FAM168A: variants seen among roughly 807,000 people sequenced by gnomAD.
FAM168A encodes the protein protein FAM168A.
Under a neutral mutation model 28.5 loss-of-function variants are expected in FAM168A, and 3 were observed. The observed-to-expected ratio is 0.11, with a 90% CI of 0.05 to 0.27. FAM168A has a LOEUF of 0.27. FAM168A is among the 10% of genes least tolerant of loss of function. FAM168A has a pLI of 1.00. For synonymous variants in FAM168A, 122 were observed against 124.2 expected, an observed-to-expected ratio of 0.98 and a Z score of 0.12; for missense variants, 222 against 311.5, an observed-to-expected ratio of 0.71 and a Z score of 2.16.
At chr11:73,569,308 C>T (rs974914481) in intron 1 of FAM168A, among the ~76,000 whole-genome samples, 1 of 152,194 alleles carries the variant, frequency 6.6e-6, no homozygotes, top group East Asian at 1.9e-4. Flanking sequence ...GGAAAACACA[C>T]TGTTGCCAGC....
intron 1 of FAM168A, among the ~76,000 whole-genome samples, chr11:73,545,135 CT>C (rs1344698994): frequency 6.9e-6 from 1 of 145,308 alleles, no homozygotes; most frequent in Non-Finnish European, 1.5e-5. Context: ...AAGCAATTCT[CT>C]TGCCTCAGCC....
chr11:73,467,723 A>T (rs1057147840), intron 2 of FAM168A, among the ~76,000 whole-genome samples: 4 of 152,190 alleles, frequency 2.6e-5, no homozygotes, highest in Non-Finnish European at 5.9e-5. Context: ...CTGGCAGAGG[A>T]ACTTAAGTTG....
intron 2 of FAM168A, among the ~76,000 whole-genome samples, chr11:73,455,348 G>C (rs1264113555): frequency 6.6e-6 from 1 of 152,252 alleles, no homozygotes; most frequent in East Asian, 1.9e-4. Context: ...ACAAGGGGTA[G>C]ACAAGGGTGG....
chr11:73,494,774 C>A (rs111234105), intron 1 of FAM168A, among the ~76,000 whole-genome samples: 1 of 152,050 alleles, frequency 6.6e-6, no homozygotes, highest in African/African-American at 2.4e-5. Context: ...CCGAGGAGGG[C>A]GGATTACTTG....
intron 4 of FAM168A, among the ~76,000 whole-genome samples, chr11:73,413,909 A>G (rs1866657432): frequency 6.6e-6 from 1 of 152,084 alleles, no homozygotes; most frequent in Admixed American, 6.5e-5. Context: ...CTAAAAAAAG[A>G]AAAAAACTTA....
chr11:73,457,315 G>C (rs1265100022), intron 2 of FAM168A, among the ~76,000 whole-genome samples: 1 of 151,408 alleles, frequency 6.6e-6, no homozygotes, highest in African/African-American at 2.4e-5. Context: ...CTTGAGCCAA[G>C]GGACTTCAAG....
intron 1 of FAM168A, among the ~76,000 whole-genome samples, chr11:73,576,092 TTAGA>T (rs1944170815): frequency 6.6e-6 from 1 of 152,190 alleles, no homozygotes; most frequent in Non-Finnish European, 1.5e-5. Context: ...TATTTTGGTA[TTAGA>T]TAATTTTTTA....
chr11:73,593,914 T>C (rs1036026017), intron 1 of FAM168A, among the ~76,000 whole-genome samples: 18 of 152,212 alleles, frequency 1.2e-4, no homozygotes, highest in Admixed American at 2.6e-4. Flanking sequence ...GCCTCACTTT[T>C]CTCACCGTAT....
intron 1 of FAM168A, among the ~76,000 whole-genome samples, chr11:73,573,159 CT>C (rs1365057344): frequency 1.3e-5 from 2 of 152,148 alleles, no homozygotes; most frequent in African/African-American, 4.8e-5. Flanking sequence ...GCACTTGGAA[CT>C]TTCCCCTAAA....
intron 1 of FAM168A, among the ~76,000 whole-genome samples, chr11:73,469,222 A>C (rs1273037193): frequency 5.9e-5 from 9 of 152,332 alleles, no homozygotes; most frequent in Admixed American, 1.3e-4. Context: ...CACATTCTCC[A>C]TTCTGATTAA....
chr11:73,491,013 A>G (rs1262042974), intron 1 of FAM168A, among the ~76,000 whole-genome samples: 2 of 152,202 alleles, frequency 1.3e-5, no homozygotes, highest in Non-Finnish European at 2.9e-5. Context: ...TGATACACAG[A>G]TTATACATAA....
chr11:73,417,726 A>AT (rs1203498160), intron 4 of FAM168A, among the ~76,000 whole-genome samples: 2 of 151,782 alleles, frequency 1.3e-5, no homozygotes, highest in Non-Finnish European at 2.9e-5. Context: ...TGCCTGGCTA[A>AT]TTTTTTGTAT....
intron 1 of FAM168A, among the ~76,000 whole-genome samples, chr11:73,485,783 T>C (rs1195021510): frequency 1.3e-5 from 2 of 152,144 alleles, no homozygotes; most frequent in African/African-American, 2.4e-5. Context: ...TGCTGAAGGT[T>C]TGGAGTCAAA....
chr11:73,561,236 G>A (rs971789190), intron 1 of FAM168A, among the ~76,000 whole-genome samples: 6 of 151,776 alleles, frequency 4.0e-5, no homozygotes, highest in African/African-American at 1.2e-4. Flanking sequence ...TTTGCCAGGC[G>A]TGGTGGCATG....
chr11:73,541,379 T>C (rs1287957903), intron 1 of FAM168A, among the ~76,000 whole-genome samples: 2 of 151,572 alleles, frequency 1.3e-5, no homozygotes. Flanking sequence ...CTTCTTTTTT[T>C]TTTTTTTCTT....
intron 1 of FAM168A, among the ~76,000 whole-genome samples, chr11:73,478,627 C>T (rs1191284593): frequency 6.6e-6 from 1 of 152,114 alleles, no homozygotes; most frequent in Non-Finnish European, 1.5e-5. Flanking sequence ...AATAAAGCTA[C>T]TAAAAATACA....
intron 1 of FAM168A, among the ~76,000 whole-genome samples, chr11:73,469,463 T>C (rs1487749605): frequency 2.6e-5 from 4 of 152,214 alleles, no homozygotes; most frequent in Non-Finnish European, 5.9e-5. Context: ...AAGTCAAATG[T>C]TGAAGGCAGG....
At chr11:73,587,386 G>A (rs965570765) in intron 1 of FAM168A, among the ~76,000 whole-genome samples, 7 of 151,902 alleles carry the variant, frequency 4.6e-5, no homozygotes, top group Non-Finnish European at 1.0e-4. Context: ...CAGCTACTTG[G>A]ATGGCTGAGG....
intron 1 of FAM168A, among the ~76,000 whole-genome samples, chr11:73,594,733 T>C (rs577363381): frequency 6.6e-6 from 1 of 152,252 alleles, no homozygotes; most frequent in East Asian, 1.9e-4. Context: ...TTTGCCATGT[T>C]GGCCAGGCTG....
Sources: gnomAD v4.1 joint callset for allele counts (sites outside exome capture counted in the v4.1 genomes callset) on GRCh38, gnomAD v4.1.1 for gene constraint, MANE v1.5 for transcripts, NCBI Gene and HGNC (gene_info 2026-07-23, HGNC 2026-07-21) for gene names.